Variants in PSD3 observed in about 807,000 individuals in gnomAD.
PSD3 encodes the protein PH and SEC7 domain-containing protein 3.
A neutral mutation model predicts 105.5 loss-of-function variants in PSD3; 49 were observed. The ratio of observed to expected loss-of-function variants is 0.46; its 90% CI spans 0.37 to 0.59. The LOEUF (loss-of-function observed/expected upper bound fraction) is 0.59. PSD3 is among the 20% of genes least tolerant of loss of function. PSD3 has a pLI of 0.00. For synonymous variants in PSD3, 557 were observed against 457.8 expected (o/e 1.22, Z -2.77); for missense variants, 1,561 against 1,263.8 (o/e 1.24, Z -3.57).
At chr8:18,674,529 T>C (rs1799964490) in intron 9 of PSD3, among the ~76,000 whole-genome samples, 1 of 152,224 alleles carries the variant, frequency 6.6e-6, no homozygotes, top group Non-Finnish European at 1.5e-5. Flanking sequence ...AGCACACTGT[T>C]ACCTTAAATT....
At chr8:19,048,714 A>G (rs73666802) in intron 1 of PSD3, among the ~76,000 whole-genome samples, 17,014 of 152,222 alleles carry the variant, frequency 0.11, 1,197 homozygotes, top group African/African-American at 0.19. Flanking sequence ...TTAGAATCCA[A>G]TGGATTCTAT....
chr8:18,871,648 T>C lies in PSD3; in HGVS notation c.1216A>G (p.Lys406Glu), dbSNP rs1384218991. ...ENKQHLEKTPKPERDRERISE... is the reference protein window; with the variant it reads ...ENKQHLEKTPEPERDRERISE... ...CACCTTTCCCTGTCTCTCTCTGGTT[T>C]AGGTGTCTTCTCAAGATGCTGTTTG... Residue 406 changes from lysine (K) to glutamate (E), a missense_variant, in exon 3 of 16, where the codon AAA becomes GAA. Physicochemically the swap from Lys to Glu is moderately conservative, Grantham distance 56 (BLOSUM62 1). Coordinates refer to ENST00000327040, the MANE Select transcript of PSD3 (RefSeq NM_015310.4). 4.3e-6 allele frequency: 7 copies of C among 1,610,712 alleles called. No homozygotes were observed. Among genetic ancestry groups the C allele is most frequent in the Non-Finnish European group, 5.1e-6 (6 of 1,178,406 alleles).
intron 4 of PSD3, among the ~76,000 whole-genome samples, chr8:18,830,723 G>A (rs954935998): frequency 3.3e-5 from 5 of 152,154 alleles, no homozygotes; most frequent in African/African-American, 4.8e-5. Context: ...CCACCCCTTC[G>A]GAAGGCGTAG....
At chr8:19,036,761 C>A (rs192222297) in intron 1 of PSD3, among the ~76,000 whole-genome samples, 12 of 152,292 alleles carry the variant, frequency 7.9e-5, no homozygotes, top group Non-Finnish European at 1.8e-4. Context: ...AATGGACTAT[C>A]TCATTGCCAG....
At chr8:18,543,514 A>T (rs1463380401) in intron 15 of PSD3, among the ~76,000 whole-genome samples, 1 of 151,688 alleles carries the variant, frequency 6.6e-6, no homozygotes, top group African/African-American at 2.4e-5. Context: ...GCTACTCGGG[A>T]GGCTGAGGCA....
intron 1 of PSD3, among the ~76,000 whole-genome samples, chr8:18,950,019 C>T (rs181205632): frequency 5.3e-4 from 80 of 152,246 alleles, no homozygotes; most frequent in African/African-American, 1.8e-3. Flanking sequence ...CTTTCCACTG[C>T]GAAATTCTTA....
At position 18,527,595 on chromosome 8, in the gene PSD3, A is replaced by G. The variant is rs1050330527; in HGVS notation, c.*8148T>C. On this transcript the variant is annotated 3_prime_UTR_variant, in exon 16 of 16. Coordinates refer to ENST00000327040, the MANE Select transcript of PSD3 (RefSeq NM_015310.4). ...AGATTTACTTGAACAACAGTGAAATAGGGTAATATTTATATACAACTATTT... is the reference window on the plus strand; with the variant it reads ...AGATTTACTTGAACAACAGTGAAATGGGGTAATATTTATATACAACTATTT... 6 of 152,656 alleles carry G rather than the reference A, an allele frequency of 3.9e-5. No homozygotes were observed. The allele number at this position is 152,656 out of a possible 1,614,324, so 9.5% of individuals were successfully genotyped here.
At chr8:18,737,690 G>A (rs566449894) in intron 9 of PSD3, among the ~76,000 whole-genome samples, 4 of 152,174 alleles carry the variant, frequency 2.6e-5, no homozygotes, top group East Asian at 3.9e-4. Flanking sequence ...TATCAGTTTC[G>A]GAGGGGAAAG....
chr8:18,593,295 C>T (rs1291866470), intron 12 of PSD3, among the ~76,000 whole-genome samples: 1 of 152,138 alleles, frequency 6.6e-6, no homozygotes, highest in African/African-American at 2.4e-5. Context: ...CAAACAACCC[C>T]ATCAAAGAGT....
chr8:18,954,243 T>C (rs11775869), intron 1 of PSD3, among the ~76,000 whole-genome samples: 59,572 of 151,872 alleles, frequency 0.39, 11,863 homozygotes, highest in Non-Finnish European at 0.41. Context: ...AAAACCAAGA[T>C]ACCTGTGGCA....
At chr8:18,922,367 G>A (rs1367162287) in intron 2 of PSD3, among the ~76,000 whole-genome samples, 1 of 152,160 alleles carries the variant, frequency 6.6e-6, no homozygotes, top group Non-Finnish European at 1.5e-5. Context: ...AAAAAAGTTT[G>A]ACCTCAATTA....
intron 11 of PSD3, among the ~76,000 whole-genome samples, chr8:18,605,157 C>T (rs1307267286): frequency 6.6e-6 from 1 of 152,176 alleles, no homozygotes; most frequent in East Asian, 1.9e-4. Context: ...CCATATATGC[C>T]TGGAAAAACC....
At chr8:18,992,905 A>C (rs190381539) in intron 1 of PSD3, among the ~76,000 whole-genome samples, 3 of 152,310 alleles carry the variant, frequency 2.0e-5, no homozygotes, top group Admixed American at 2.0e-4. Flanking sequence ...ACAATCTCCA[A>C]CTTAATTGAC....
At chr8:18,741,691 A>G (rs1804585367) in intron 9 of PSD3, among the ~76,000 whole-genome samples, 1 of 151,860 alleles carries the variant, frequency 6.6e-6, no homozygotes, top group Admixed American at 6.6e-5. Flanking sequence ...CCGTCCTATC[A>G]GCGGCATGCT....
chr8:19,070,288 A>G (rs72607383), intron 1 of PSD3, among the ~76,000 whole-genome samples: 14,183 of 151,812 alleles, frequency 0.093, 835 homozygotes, highest in Middle Eastern at 0.18. Context: ...ATCAGCAAAA[A>G]AATTTGGAGC....
At chr8:18,552,926 G>A (rs898884236) in intron 15 of PSD3, among the ~76,000 whole-genome samples, 1 of 152,068 alleles carries the variant, frequency 6.6e-6, no homozygotes, top group African/African-American at 2.4e-5. Context: ...GGCTAAGATG[G>A]AAGTTTCCTT....
rs869154642 is a variant in PSD3, at chr8:19,073,550, C to CAAAAAAAAA, written c.324+10647_324+10655dup. On this transcript the variant is annotated intron_variant, in intron 1 of 1. Transcript: ENST00000521475. ...TGGGCGACAGAGTGAAACTGTCTCTCAAAAAAAAAAAAAAAAAAAAAAAAA... is the reference window on the plus strand; with the variant it reads ...TGGGCGACAGAGTGAAACTGTCTCTCAAAAAAAAAAAAAAAAAAAAAAAAAAAAAAAAAA... Among the ~76,000 whole-genome samples the CAAAAAAAAA allele has an allele frequency of 1.3e-3, 90 of 69,156 alleles. 1 individual carries two copies. Among genetic ancestry groups the CAAAAAAAAA allele is most frequent in the African/African-American group, 1.9e-3 (31 of 16,278 alleles). The allele number at this position is 69,156 out of a possible 152,430, so 45.4% of individuals were successfully genotyped here.
At chr8:18,548,813 G>T (rs768787904) in intron 15 of PSD3, among the ~76,000 whole-genome samples, 2 of 152,166 alleles carry the variant, frequency 1.3e-5, no homozygotes, top group Non-Finnish European at 2.9e-5. Flanking sequence ...ACCACCTGGG[G>T]GAAAGGATCT....
Position 18,762,764 on chromosome 8 carries a change from T to C in PSD3, c.2172+2685A>G, listed in dbSNP as rs1027765451. 7 of 383,238 alleles carry C rather than the reference T, an allele frequency of 1.8e-5. No individual in the cohort carries two copies. The Admixed American group carries it at 2.9e-4, about 16-fold the overall frequency. 23.7% of individuals were successfully genotyped at this position (383,238 alleles called of 1,614,324 possible). A position where few individuals can be genotyped will look rare whatever the true frequency, so the allele number is the denominator to read the frequency against. On this transcript the variant is annotated intron_variant, in intron 9 of 15. Transcript: ENST00000327040. Reference sequence around the variant, plus strand: ...GCAAATTCAGAAGCAAAATATTAATTAAATCAACTGAATTGAAGGACTGTA... The same window carrying C: ...GCAAATTCAGAAGCAAAATATTAATCAAATCAACTGAATTGAAGGACTGTA...
Sources: gnomAD v4.1 joint callset for allele counts (sites outside exome capture counted in the v4.1 genomes callset) on GRCh38, gnomAD v4.1.1 for gene constraint, MANE v1.5 for transcripts, NCBI Gene and HGNC (gene_info 2026-07-23, HGNC 2026-07-21) for gene names.